KLHL29: variants seen among roughly 807,000 people sequenced by gnomAD.
KLHL29 encodes kelch-like protein 29.
KLHL29 carries 21 observed loss-of-function variants against 80.4 expected under a neutral mutation model. The observed-to-expected ratio is 0.26, with a 90% CI of 0.19 to 0.38. The LOEUF (loss-of-function observed/expected upper bound fraction) is 0.38. KLHL29 is among the 10% of genes least tolerant of loss of function. KLHL29 has a pLI of 1.00. For synonymous variants in KLHL29, 511 were observed against 526.8 expected, an observed-to-expected ratio of 0.97 and a Z score of 0.41; for missense variants, 867 against 1,223.9, an observed-to-expected ratio of 0.71 and a Z score of 4.35.
At chr2:23,615,693 A>C (rs190943181) in intron 3 of KLHL29, among the ~76,000 whole-genome samples, 368 of 152,200 alleles carry the variant, frequency 2.4e-3, no homozygotes, top group African/African-American at 8.1e-3. Flanking sequence ...ATTCCAGTCT[A>C]GGGGGCTTCA....
chr2:23,620,964 G>A (rs986259168), intron 3 of KLHL29, among the ~76,000 whole-genome samples: 20 of 152,212 alleles, frequency 1.3e-4, no homozygotes, highest in African/African-American at 3.9e-4. Context: ...ATGGGAAGCC[G>A]GACTCCCGTC....
At position 23,700,630 on chromosome 2, in the gene KLHL29, T is replaced by C. The variant is rs1266889877; in HGVS notation, c.2106-2556T>C. Among the ~76,000 whole-genome samples, 2 of 152,230 alleles carry C rather than the reference T, an allele frequency of 1.3e-5. No individual in the cohort carries two copies. The highest frequency in any genetic ancestry group is 2.1e-4 in the South Asian group (1 of 4,826). ...CTGTTAAACATTCATCAGCATTCCATTGACCCCTCTCAGCTCCGGATTCTT... is the reference window on the plus strand; with the variant it reads ...CTGTTAAACATTCATCAGCATTCCACTGACCCCTCTCAGCTCCGGATTCTT... On this transcript the variant is annotated intron_variant, in intron 11 of 13. Transcript: ENST00000486442. This position sits in a 1 kb window ranked among gnomAD's most constrained non-coding sequence, Gnocchi z 4.6.
chr2:23,563,203 G>A (rs373767589), intron 3 of KLHL29, among the ~76,000 whole-genome samples: 11 of 152,382 alleles, frequency 7.2e-5, no homozygotes, highest in Middle Eastern at 3.4e-3. Context: ...GCCAACCTGT[G>A]TTGCTGAATG....
intron 3 of KLHL29, among the ~76,000 whole-genome samples, chr2:23,618,339 G>C (rs1264613610): frequency 6.6e-6 from 1 of 152,144 alleles, no homozygotes; most frequent in African/African-American, 2.4e-5. Context: ...AGATGATCCT[G>C]GGTGTGTCCG....
chr2:23,442,059 G>C (rs760765897), intron 1 of KLHL29, among the ~76,000 whole-genome samples: 5 of 152,088 alleles, frequency 3.3e-5, no homozygotes, highest in Non-Finnish European at 5.9e-5. Flanking sequence ...AAGCTATCTT[G>C]GGTTATGTGG....
At chr2:23,643,170 G>T (rs879737997) in intron 5 of KLHL29, 7 of 505,154 alleles carry the variant, frequency 1.4e-5, no homozygotes, top group Non-Finnish European at 2.6e-5. Flanking sequence ...AACCCCCAAG[G>T]CCAGGCCAAG....
intron 1 of KLHL29, among the ~76,000 whole-genome samples, chr2:23,428,386 C>G (rs1276904464): frequency 6.6e-6 from 1 of 152,228 alleles, no homozygotes; most frequent in African/African-American, 2.4e-5. Flanking sequence ...TAGGATTTCA[C>G]TAGTTTCCCT....
intron 2 of KLHL29, among the ~76,000 whole-genome samples, chr2:23,553,234 C>G (rs1667174394): frequency 6.6e-6 from 1 of 152,234 alleles, no homozygotes; most frequent in Non-Finnish European, 1.5e-5. Context: ...GCACACTGGC[C>G]CTGGCTGAGT....
chr2:23,591,788 C>G (rs114803616), intron 3 of KLHL29, among the ~76,000 whole-genome samples: 3 of 152,186 alleles, frequency 2.0e-5, no homozygotes, highest in Non-Finnish European at 4.4e-5. Flanking sequence ...CCTTCCTCGT[C>G]GCGTTCCAAC....
At chr2:23,532,542 C>G (rs1438405764) in intron 2 of KLHL29, 6 of 456,526 alleles carry the variant, frequency 1.3e-5, no homozygotes, top group Non-Finnish European at 2.2e-5. Context: ...TTTCTTGCTC[C>G]TATGTTAAAA....
chr2:23,482,617 T>A (rs1021494186), intron 2 of KLHL29, among the ~76,000 whole-genome samples: 1 of 152,224 alleles, frequency 6.6e-6, no homozygotes, highest in Admixed American at 6.5e-5. Flanking sequence ...TGGACTTCTC[T>A]CCTGTAGGGA....
intron 2 of KLHL29, among the ~76,000 whole-genome samples, chr2:23,539,262 A>T (rs1666764762): frequency 1.3e-5 from 2 of 152,148 alleles, no homozygotes; most frequent in Non-Finnish European, 2.9e-5. Flanking sequence ...TATGCAGTGT[A>T]CTGCAGAATA....
At chr2:23,537,179 C>G (rs1179808055) in intron 2 of KLHL29, among the ~76,000 whole-genome samples, 2 of 152,170 alleles carry the variant, frequency 1.3e-5, no homozygotes, top group Admixed American at 6.5e-5. Context: ...TGCTCTCGGG[C>G]TCTGTCGGCT....
intron 5 of KLHL29, among the ~76,000 whole-genome samples, chr2:23,652,770 C>T (rs561306462): frequency 6.6e-6 from 1 of 152,302 alleles, no homozygotes; most frequent in African/African-American, 2.4e-5. Context: ...ACTTAAACTT[C>T]CAAATGAAGC....
At chr2:23,454,232 G>A (rs879531315) in intron 1 of KLHL29, among the ~76,000 whole-genome samples, 3 of 122,722 alleles carry the variant, frequency 2.4e-5, no homozygotes, top group Admixed American at 9.1e-5. Flanking sequence ...TGACCCTCCC[G>A]CCCCGGCCCC....
chr2:23,386,027 G>C (rs1436538674), intron 1 of KLHL29, among the ~76,000 whole-genome samples: 1 of 152,134 alleles, frequency 6.6e-6, no homozygotes, highest in African/African-American at 2.4e-5. Context: ...TCCTGCCCCC[G>C]GGTGTGTATG....
chr2:23,700,154 T>C lies in KLHL29; in HGVS notation c.2106-3032T>C, dbSNP rs1672274872. ...TCTTTCATACACATTTAATCTTTCA[T>C]TATCCAGTTGGACTCCTTCCTATTT... On this transcript the variant is annotated intron_variant, in intron 11 of 13. Transcript: ENST00000486442. The surrounding 1 kb of genome is among the most constrained non-coding windows in gnomAD (Gnocchi z 4.6). 6.6e-6 allele frequency among the ~76,000 whole-genome samples: 1 copy of C among 152,234 alleles called. No homozygotes were observed. Among genetic ancestry groups the C allele is most frequent in the Non-Finnish European group, 1.5e-5 (1 of 68,040 alleles).
At chr2:23,420,284 C>T (rs527650858) in intron 1 of KLHL29, among the ~76,000 whole-genome samples, 1 of 152,190 alleles carries the variant, frequency 6.6e-6, no homozygotes, top group African/African-American at 2.4e-5. Context: ...GCCCTGTTTC[C>T]TCTCCTTCCT....
At chr2:23,438,518 G>A (rs1663412056) in intron 1 of KLHL29, among the ~76,000 whole-genome samples, 1 of 145,762 alleles carries the variant, frequency 6.9e-6, no homozygotes, top group Non-Finnish European at 1.5e-5. Flanking sequence ...TTTTTAGCAT[G>A]AAGGGTTGTT....
Sources: gnomAD v4.1 joint callset for allele counts (sites outside exome capture counted in the v4.1 genomes callset) on GRCh38, gnomAD v4.1.1 for gene constraint, Gnocchi (gnomAD v3.1) non-coding constraint, MANE v1.5 for transcripts, NCBI Gene and HGNC (gene_info 2026-07-23, HGNC 2026-07-21) for gene names.